Variants in MAEA observed in about 807,000 individuals in gnomAD.
MAEA encodes macrophage erythroblast attacher, E3 ubiquitin ligase.
Under a neutral mutation model 46.2 loss-of-function variants are expected in MAEA, and 22 were observed. The observed-to-expected ratio is 0.48, with a 90% CI of 0.34 to 0.68. The LOEUF is 0.68. Among genes scored for constraint, MAEA ranks in the 30% least tolerant of loss-of-function variants. MAEA has a pLI of 0.01. For synonymous variants in MAEA, 246 were observed against 222.6 expected, an observed-to-expected ratio of 1.11 and a Z score of -0.94; for missense variants, 393 against 558.1, an observed-to-expected ratio of 0.70 and a Z score of 2.98.
intron 7 of MAEA, chr4:1,337,356 C>T (rs28605373): frequency 7.8e-4 from 137 of 175,888 alleles, no homozygotes; most frequent in East Asian, 4.1e-3. Context: ...GACTCTGTCC[C>T]GCCTGTGACT....
In MAEA at chr4:1,328,674, A is replaced by G. The variant is rs1351023758; in HGVS notation, c.656+971A>G. On this transcript the variant is annotated intron_variant, in intron 5 of 8. Transcript: ENST00000303400. The stretch of plus-strand genomic sequence containing the variant: ...AGTGTTCCACAGAAGGCCCATTTGG[A>G]GAAGTGGGCGTCTCACGATGAGGTG... The G allele has an allele frequency of 4.7e-6, 6 of 1,279,668 alleles. No individual in the cohort carries two copies. In the Admixed American group the frequency reaches 1.4e-4, roughly 30 times the overall value. The allele number at this position is 1,279,668 out of a possible 1,614,324, so 79.3% of individuals were successfully genotyped here.
chr4:1,335,324 C>T (rs531243809), intron 6 of MAEA: 2 of 985,490 alleles, frequency 2.0e-6, no homozygotes, highest in South Asian at 4.7e-5. Context: ...TCACAGTGCA[C>T]AGGTTGCACA....
chr4:1,327,594 C>T (rs552822558), intron 4 of MAEA, 33 bp from the exon 5 acceptor site: 2 of 1,551,630 alleles, frequency 1.3e-6, no homozygotes, highest in Non-Finnish European at 1.8e-6. Context: ...GTGGGATGTG[C>T]TGTCTAAGCC....
chr4:1,304,886 A>C (rs1188508389), intron 1 of MAEA, among the ~76,000 whole-genome samples: 1 of 152,204 alleles, frequency 6.6e-6, no homozygotes, highest in East Asian at 1.9e-4. Flanking sequence ...GCTATACTCT[A>C]TTGAATTTGA....
At chr4:1,328,808 G>T (rs542684000) in intron 5 of MAEA, 31 of 1,075,062 alleles carry the variant, frequency 2.9e-5, no homozygotes, top group African/African-American at 5.0e-5. Flanking sequence ...TGACCTGGGC[G>T]CATGGTGGCA....
chr4:1,290,989 C>T (rs1361729487), intron 1 of MAEA, among the ~76,000 whole-genome samples: 1 of 152,162 alleles, frequency 6.6e-6, no homozygotes, highest in African/African-American at 2.4e-5. Flanking sequence ...GTGGTAGCGC[C>T]TGTGTCACCT....
intron 6 of MAEA, chr4:1,335,474 C>T (rs1179318950): frequency 1.0e-6 from 1 of 985,180 alleles, no homozygotes; most frequent in Admixed American, 6.1e-5. Flanking sequence ...AGCACTGGCC[C>T]CACAGTGTGT....
In MAEA at chr4:1,339,123, A is replaced by C. The variant is rs1426807148; in HGVS notation, c.1145A>C (p.Lys382Thr). 1.2e-6 allele frequency: 2 copies of C among 1,613,856 alleles called. No homozygotes were observed. The highest frequency in any genetic ancestry group is 3.3e-5 in the Admixed American group (2 of 60,006). Reference sequence around the variant, plus strand: ...GATAAAGTCGTGTGCCCGAGAACCAAAGAAGTCTTCCACTTCTCACAAGCC... The same window carrying C: ...GATAAAGTCGTGTGCCCGAGAACCACAGAAGTCTTCCACTTCTCACAAGCC... ...QDDKVVCPRT[K>T]EVFHFSQAEK... Residue 382 changes from lysine (K) to threonine (T), a missense_variant, in exon 9 of 9, where the codon AAA (lysine) becomes ACA (threonine). Around this residue, in one of 2 missense-constraint regions of MAEA, gnomAD observed 358 missense variants for 537.9 expected, o/e 0.67. Transcript: ENST00000303400.
chr4:1,327,951 G>A (rs975284412), intron 5 of MAEA, among the ~76,000 whole-genome samples: 7 of 152,322 alleles, frequency 4.6e-5, no homozygotes, highest in East Asian at 3.9e-4. Context: ...CCAGACCCCC[G>A]TGGCTGCCAG....
intron 5 of MAEA, chr4:1,329,390 C>T: frequency 1.0e-6 from 1 of 985,506 alleles, no homozygotes; most frequent in Non-Finnish European, 1.2e-6. Flanking sequence ...GCCTCCACCT[C>T]ATAATGTCTG....
chr4:1,296,500 C>T (rs1224145723), intron 1 of MAEA, among the ~76,000 whole-genome samples: 3 of 148,526 alleles, frequency 2.0e-5, no homozygotes, highest in Non-Finnish European at 4.4e-5. Context: ...TTGCGCTGTG[C>T]CCCCCTCACC....
chr4:1,340,020 C>G lies in MAEA; in HGVS notation c.*851C>G, dbSNP rs1359718838. The G allele has an allele frequency of 6.5e-6, 1 of 152,686 alleles. No individual in the cohort carries two copies. The highest frequency in any genetic ancestry group is 2.4e-5 in the African/African-American group (1 of 41,456). 9.5% of individuals were successfully genotyped at this position (152,686 alleles called of 1,614,324 possible). ...TTTCAAAACAAATGAACCACCGTAGCTGACAGAGAACCGTATCGTAGAGGT... is the reference window on the plus strand; with the variant it reads ...TTTCAAAACAAATGAACCACCGTAGGTGACAGAGAACCGTATCGTAGAGGT... On this transcript the variant is annotated 3_prime_UTR_variant, in exon 9 of 9. Transcript: ENST00000303400.
intron 7 of MAEA, 108 bp from the exon 8 acceptor site, chr4:1,338,314 C>G: frequency 9.7e-6 from 8 of 828,516 alleles, no homozygotes; most frequent in Admixed American, 2.4e-5. Flanking sequence ...CAGCATGGCG[C>G]CCACATAGCC....
chr4:1,296,499 G>GC (rs976725484), intron 1 of MAEA, among the ~76,000 whole-genome samples: 1 of 145,162 alleles, frequency 6.9e-6, no homozygotes, highest in African/African-American at 2.6e-5. Flanking sequence ...CTTGCGCTGT[G>GC]CCCCCCTCAC....
intron 4 of MAEA, among the ~76,000 whole-genome samples, chr4:1,326,552 G>A (rs1026965830): frequency 4.6e-5 from 7 of 152,166 alleles, no homozygotes; most frequent in Non-Finnish European, 8.8e-5. Flanking sequence ...TGAGGGTTGG[G>A]CTTCCCTTAG....
intron 8 of MAEA, 149 bp from the exon 9 acceptor site, chr4:1,338,925 G>A (rs558931572): frequency 4.2e-6 from 3 of 715,334 alleles, no homozygotes; most frequent in Middle Eastern, 4.8e-4. Flanking sequence ...AGGTGGCCCC[G>A]GGATTTCTTT....
At chr4:1,328,650 G>T (rs1367267128) in intron 5 of MAEA, 2 of 1,276,554 alleles carry the variant, frequency 1.6e-6, no homozygotes, top group Non-Finnish European at 2.0e-6. Flanking sequence ...GGGTGGCCGA[G>T]TGTTCCACAG....
chr4:1,336,607 T>C (rs1334712677), intron 6 of MAEA, among the ~76,000 whole-genome samples: 1 of 152,170 alleles, frequency 6.6e-6, no homozygotes, highest in Non-Finnish European at 1.5e-5. Context: ...CTGTAGCATG[T>C]TGAAATCAGA....
chr4:1,326,211 GCTT>G (rs1738793677), intron 4 of MAEA, among the ~76,000 whole-genome samples: 1 of 152,230 alleles, frequency 6.6e-6, no homozygotes, highest in African/African-American at 2.4e-5. Context: ...GAAGTGATGA[GCTT>G]CAACTTAAAT....
Sources: allele counts gnomAD v4.1 joint callset (sites outside exome capture counted in the v4.1 genomes callset), GRCh38; gene constraint gnomAD v4.1.1; regional missense constraint gnomAD v4.1.1; transcripts MANE v1.5; gene names NCBI Gene and HGNC (gene_info 2026-07-23, HGNC 2026-07-21).